COL27A1: variants seen among roughly 807,000 people sequenced by gnomAD.
The protein encoded by COL27A1 is collagen type XXVII alpha 1 chain.
COL27A1 carries 106 observed loss-of-function variants against 251.3 expected under a neutral mutation model. The ratio of observed to expected loss-of-function variants is 0.42; its 90% CI spans 0.36 to 0.50. COL27A1 has a LOEUF of 0.50. Among genes scored for constraint, COL27A1 ranks in the 20% least tolerant of loss-of-function variants. The pLI is 0.00. For synonymous variants in COL27A1, 1,000 were observed against 986.3 expected, an observed-to-expected ratio of 1.01 and a Z score of -0.26; for missense variants, 2,325 against 2,522.8, an observed-to-expected ratio of 0.92 and a Z score of 1.68.
intron 12 of COL27A1, 30 bp from the exon 13 acceptor site, chr9:114,219,761 C>T: frequency 6.5e-7 from 1 of 1,547,406 alleles, no homozygotes; most frequent in Non-Finnish European, 8.9e-7. Context: ...CACTAACCTA[C>T]AGATGTTTGT....
intron 5 of COL27A1, among the ~76,000 whole-genome samples, chr9:114,192,294 C>A (rs929782822): frequency 6.6e-6 from 1 of 152,158 alleles, no homozygotes; most frequent in African/African-American, 2.4e-5. Flanking sequence ...CACAGGCTGG[C>A]TGAGAAAGAG....
intron 33 of COL27A1, 151 bp downstream of exon 33, chr9:114,266,769 C>A (rs1028297955): frequency 1.5e-5 from 10 of 670,358 alleles, no homozygotes; most frequent in Non-Finnish European, 2.3e-5. Context: ...AGGGTGGACG[C>A]CCTGGCAGAG....
At chr9:114,222,354 G>A in intron 14 of COL27A1, 87 bp downstream of exon 14, 1 of 1,306,712 alleles carries the variant, frequency 7.7e-7, no homozygotes, top group Non-Finnish European at 1.1e-6. Context: ...AGCAGGCCCT[G>A]CAGGGGAGGT....
intron 11 of COL27A1, among the ~76,000 whole-genome samples, chr9:114,210,152 G>A (rs915695629): frequency 1.3e-5 from 2 of 152,202 alleles, no homozygotes; most frequent in African/African-American, 2.4e-5. Flanking sequence ...GTCTGCAAAC[G>A]GTGGCCCATG....
intron 12 of COL27A1, among the ~76,000 whole-genome samples, chr9:114,213,642 A>C (rs1397693886): frequency 1.3e-5 from 2 of 152,326 alleles, no homozygotes; most frequent in Non-Finnish European, 2.9e-5. Context: ...TTGCCACCCT[A>C]AGTCCCCTGC....
chr9:114,266,359 G>A (rs1588825198), intron 32 of COL27A1, among the ~76,000 whole-genome samples: 2 of 152,146 alleles, frequency 1.3e-5, no homozygotes, highest in East Asian at 3.9e-4. Flanking sequence ...ATAGGAGAGT[G>A]TGCAGCTGTG....
chr9:114,157,019 A>C (rs542128757), intron 1 of COL27A1, among the ~76,000 whole-genome samples: 1 of 148,172 alleles, frequency 6.7e-6, no homozygotes, highest in African/African-American at 2.5e-5. Flanking sequence ...TTTCTTCCCC[A>C]TGTCTTGGAA....
At chr9:114,253,321 G>GAAAGAAAGAAAGAA (rs1564527551) in intron 27 of COL27A1, among the ~76,000 whole-genome samples, 3 of 96,248 alleles carry the variant, frequency 3.1e-5, no homozygotes, top group East Asian at 9.6e-4. Flanking sequence ...GAAAGAAAGA[G>GAAAGAAAGAAAGAA]AGAGGAAGGG....
chr9:114,292,977 A>G (rs1486399631), intron 49 of COL27A1, among the ~76,000 whole-genome samples: 1 of 152,244 alleles, frequency 6.6e-6, no homozygotes, highest in African/African-American at 2.4e-5. Context: ...ACAAGGAGAA[A>G]TAGACAAATT....
chr9:114,222,500 C>G (rs1244640941), intron 14 of COL27A1, among the ~76,000 whole-genome samples: 1 of 152,118 alleles, frequency 6.6e-6, no homozygotes, highest in Non-Finnish European at 1.5e-5. Context: ...TGCTGTGTGG[C>G]CTCAGGTGGA....
chr9:114,306,714 G>A, intron 58 of COL27A1, 26 bp downstream of exon 58: 1 of 1,606,546 alleles, frequency 6.2e-7, no homozygotes, highest in Non-Finnish European at 8.5e-7. Context: ...GCCGGGGGTG[G>A]GTGCGCCTGG....
intron 36 of COL27A1, among the ~76,000 whole-genome samples, chr9:114,274,612 TGATCGCCATGCAGAGCCCAGA>T: frequency 6.6e-6 from 1 of 152,304 alleles, no homozygotes; most frequent in African/African-American, 2.4e-5. Context: ...CCAATAAGAA[TGATCGCCATGCAGAGCCCAGA>T]GCGATAGGAG....
rs780968064 is a variant in COL27A1 at position 114,167,685 on chromosome 9, T to G, written c.134-4T>G. The G allele has an allele frequency of 6.2e-7, 1 of 1,605,598 alleles. No homozygotes were observed. The highest frequency in any genetic ancestry group is 8.5e-7 in the Non-Finnish European group (1 of 1,174,382). ...CGTCCTCTCCCCTTTTCCCTCCCTC[T>G]CAGATGTGGACATCCTCCAGCGGCT... is the stretch of plus-strand genomic sequence containing the variant. On this transcript the variant is annotated splice_polypyrimidine_tract_variant and splice_region_variant and intron_variant, in intron 2 of 60. Coordinates refer to ENST00000356083, the MANE Select transcript of COL27A1 (RefSeq NM_032888.4).
intron 59 of COL27A1, 89 bp downstream of exon 59, chr9:114,307,867 AGCTGT>A: frequency 1.1e-6 from 1 of 875,810 alleles, no homozygotes; most frequent in South Asian, 1.5e-5. Flanking sequence ...TTCTGTTCTG[AGCTGT>A]GCCTGTCTTA....
At chr9:114,248,887 C>T (rs1456248628) in intron 24 of COL27A1, among the ~76,000 whole-genome samples, 2 of 152,208 alleles carry the variant, frequency 1.3e-5, no homozygotes, top group South Asian at 4.1e-4. Context: ...TCCCTTCATT[C>T]GGCATCCTCT....
chr9:114,278,971 A>G (rs1228839204), intron 37 of COL27A1, among the ~76,000 whole-genome samples: 1 of 152,248 alleles, frequency 6.6e-6, no homozygotes, highest in East Asian at 1.9e-4. Context: ...CACCCACTGT[A>G]TGTATGCTCT....
intron 23 of COL27A1, among the ~76,000 whole-genome samples, chr9:114,243,925 A>ATTTT (rs397894289): frequency 1.3e-5 from 1 of 78,724 alleles, no homozygotes; most frequent in Non-Finnish European, 2.5e-5. Flanking sequence ...TTTTTCTTTC[A>ATTTT]TTTTTTTTTT....
intron 35 of COL27A1, among the ~76,000 whole-genome samples, chr9:114,270,449 A>G (rs1346295391): frequency 1.3e-5 from 2 of 152,190 alleles, no homozygotes; most frequent in Non-Finnish European, 2.9e-5. Context: ...GACCTCATGT[A>G]GCCCCCACCC....
At chr9:114,225,326 AC>A (rs1216028968) in intron 14 of COL27A1, among the ~76,000 whole-genome samples, 1 of 152,100 alleles carries the variant, frequency 6.6e-6, no homozygotes, top group East Asian at 1.9e-4. Context: ...ATTTCATGGT[AC>A]CCCCTTTTCC....
Sources: gnomAD v4.1 joint callset for allele counts (sites outside exome capture counted in the v4.1 genomes callset) on GRCh38, gnomAD v4.1.1 for gene constraint, MANE v1.5 for transcripts, NCBI Gene and HGNC (gene_info 2026-07-23, HGNC 2026-07-21) for gene names.